Variants in ADAMTSL1 observed in about 807,000 individuals in gnomAD.
ADAMTSL1 encodes the protein ADAMTS like 1, also known as ADAMTS-like protein 1.
ADAMTSL1 carries 126 observed loss-of-function variants against 201.8 expected under a neutral mutation model. The ratio of observed to expected loss-of-function variants is 0.62; its 90% CI spans 0.54 to 0.72. The LOEUF (loss-of-function observed/expected upper bound fraction) is 0.72. Among genes scored for constraint, ADAMTSL1 ranks in the 30% least tolerant of loss-of-function variants. The probability of loss-of-function intolerance (pLI) is 0.00; values close to 1 mark genes in which losing one functional copy is unlikely to be tolerated. For missense variants in ADAMTSL1, 2,679 were observed against 2,277.8 expected (o/e 1.18, Z -3.59); for synonymous variants, 1,121 against 903.4 (o/e 1.24, Z -4.32).
intron 2 of ADAMTSL1, among the ~76,000 whole-genome samples, chr9:18,278,162 A>C (rs553196612): frequency 4.1e-4 from 62 of 152,140 alleles, no homozygotes; most frequent in Non-Finnish European, 7.1e-4. Flanking sequence ...TTATCATTAA[A>C]CTTTTATAAG....
At chr9:18,080,645 C>A (rs961150704) in intron 1 of ADAMTSL1, among the ~76,000 whole-genome samples, 4 of 152,180 alleles carry the variant, frequency 2.6e-5, no homozygotes, top group Non-Finnish European at 1.5e-5. Flanking sequence ...ATGATCAAGT[C>A]AAGCTATTAC....
At chr9:18,703,701 C>CATACATATATATATAT (rs1295764808) in intron 13 of ADAMTSL1, among the ~76,000 whole-genome samples, 4 of 78,822 alleles carry the variant, frequency 5.1e-5, no homozygotes, top group African/African-American at 1.9e-4. Flanking sequence ...TGCGCACATA[C>CATACATATATATATAT]ATATATATAT....
At chr9:18,267,793 A>AAAAC (rs1563846276) in intron 2 of ADAMTSL1, among the ~76,000 whole-genome samples, 1 of 148,166 alleles carries the variant, frequency 6.7e-6, no homozygotes, top group Non-Finnish European at 1.5e-5. Flanking sequence ...AAAACAAAAA[A>AAAAC]ACCTTAATCT....
In ADAMTSL1 at chr9:18,828,683, TATATATATATAA is replaced by T. The variant is rs1563836047; in HGVS notation, c.4115-1158_4115-1147del. 5.3e-3 allele frequency among the ~76,000 whole-genome samples: 556 copies of T among 105,784 alleles called. 30 individuals are homozygous for T. Among genetic ancestry groups the T allele is most frequent in the East Asian group, 0.027 (90 of 3,308 alleles). The allele number at this position is 105,784 out of a possible 152,430, so 69.4% of individuals were successfully genotyped here. ...ATTTATATATATATATATATATATA[TATATATATATAA>T]AATGTGTGTGTGTGTATATATATAT... is the stretch of plus-strand genomic sequence containing the variant. On this transcript the variant is annotated intron_variant, in intron 22 of 28. Coordinates refer to ENST00000380548, the MANE Select transcript of ADAMTSL1 (RefSeq NM_001040272.6).
intron 1 of ADAMTSL1, among the ~76,000 whole-genome samples, chr9:18,502,383 C>T (rs1468493304): frequency 6.6e-6 from 1 of 152,218 alleles, no homozygotes; most frequent in East Asian, 1.9e-4. Flanking sequence ...GCACCTCTCT[C>T]AGTAGTCAGC....
intron 2 of ADAMTSL1, among the ~76,000 whole-genome samples, chr9:18,280,026 T>C (rs1428825382): frequency 6.6e-6 from 1 of 152,138 alleles, no homozygotes; most frequent in Non-Finnish European, 1.5e-5. Context: ...TGGGGTCCAC[T>C]AGATAGGCCT....
At chr9:18,302,639 T>C (rs1303167601) in intron 2 of ADAMTSL1, among the ~76,000 whole-genome samples, 4 of 152,192 alleles carry the variant, frequency 2.6e-5, no homozygotes, top group Non-Finnish European at 5.9e-5. Flanking sequence ...TAAACCCTTT[T>C]TCTTGCTTAG....
intron 1 of ADAMTSL1, among the ~76,000 whole-genome samples, chr9:18,042,249 C>T (rs1333775810): frequency 6.6e-6 from 1 of 152,014 alleles, no homozygotes; most frequent in Non-Finnish European, 1.5e-5. Flanking sequence ...GTTTCCAAAG[C>T]TTGATTTAGG....
In ADAMTSL1 at chr9:17,919,081, A is replaced by G. The variant is rs1225605439; in HGVS notation, c.87+12159A>G. ...CTTTAATGTGATCTCCTGACTTACC[A>G]TATTTTATTAAATTCCCATTATAGT... On this transcript the variant is annotated intron_variant, in intron 1 of 29. Coordinates refer to the ADAMTSL1 transcript ENST00000680146. 2.0e-5 allele frequency among the ~76,000 whole-genome samples: 3 copies of G among 151,786 alleles called. No homozygotes were observed. In the East Asian group the frequency reaches 5.8e-4, roughly 29 times the overall value.
intron 4 of ADAMTSL1, among the ~76,000 whole-genome samples, chr9:18,583,075 C>T (rs923615753): frequency 5.3e-5 from 8 of 152,082 alleles, no homozygotes; most frequent in Non-Finnish European, 1.2e-4. Context: ...TGTTTATAAG[C>T]AGCGTGAAAA....
chr9:18,848,291 T>G (rs1402731886), intron 23 of ADAMTSL1, among the ~76,000 whole-genome samples: 3 of 152,220 alleles, frequency 2.0e-5, no homozygotes, highest in African/African-American at 7.2e-5. Flanking sequence ...TAAAAAATGA[T>G]TCTCAGGGAT....
In ADAMTSL1 at chr9:18,858,163, C is replaced by T. The variant is rs1826983279; in HGVS notation, c.4249+28186C>T. Among the ~76,000 whole-genome samples the T allele has an allele frequency of 2.8e-5, 4 of 143,788 alleles. No homozygotes were observed. The South Asian group carries it at 9.4e-4, about 34-fold the overall frequency. The allele number at this position is 143,788 out of a possible 152,430, so 94.3% of individuals were successfully genotyped here. A position where few individuals can be genotyped will look rare whatever the true frequency, so the allele number is the denominator to read the frequency against. On this transcript the variant is annotated intron_variant, in intron 23 of 28. Transcript: ENST00000380548. ...CATGAGTCCTCCCTTGTATGTCCAA[C>T]TCTTACCCAACACCACAGGATTTAT...
chr9:17,922,780 T>C (rs545273126), intron 1 of ADAMTSL1, among the ~76,000 whole-genome samples: 3 of 152,290 alleles, frequency 2.0e-5, no homozygotes, highest in East Asian at 1.9e-4. Flanking sequence ...AGTTACATCA[T>C]GAACTAAAGG....
intron 1 of ADAMTSL1, among the ~76,000 whole-genome samples, chr9:18,071,788 C>A (rs554277797): frequency 3.3e-5 from 5 of 152,120 alleles, no homozygotes; most frequent in South Asian, 4.1e-4. Flanking sequence ...TTATTTGATG[C>A]GTTGTGTGTT....
intron 1 of ADAMTSL1, among the ~76,000 whole-genome samples, chr9:18,085,514 A>ATATATATACTGTGTGTGCATATG (rs1823716105): frequency 4.0e-5 from 6 of 151,010 alleles, no homozygotes; most frequent in African/African-American, 1.5e-4. Context: ...GTGTGCATAT[A>ATATATATACTGTGTGTGCATATG]TATATACTGT....
chr9:18,714,938 T>C (rs1195771132), intron 14 of ADAMTSL1, among the ~76,000 whole-genome samples: 1 of 142,820 alleles, frequency 7.0e-6, no homozygotes, highest in East Asian at 2.0e-4. Flanking sequence ...GCAAGGCTGG[T>C]TCAATATATG....
At chr9:18,325,014 C>T (rs955732569) in intron 2 of ADAMTSL1, among the ~76,000 whole-genome samples, 6 of 152,018 alleles carry the variant, frequency 3.9e-5, no homozygotes, top group Non-Finnish European at 7.4e-5. Context: ...CAGCATTCAT[C>T]AGGAAAATGC....
At chr9:18,107,647 A>G (rs932536314) in intron 1 of ADAMTSL1, among the ~76,000 whole-genome samples, 7 of 152,200 alleles carry the variant, frequency 4.6e-5, no homozygotes, top group African/African-American at 1.7e-4. Flanking sequence ...AATTTAAGCA[A>G]CAAAATAAAA....
intron 9 of ADAMTSL1, among the ~76,000 whole-genome samples, chr9:18,665,976 C>G (rs1408712936): frequency 6.6e-6 from 1 of 152,100 alleles, no homozygotes; most frequent in Non-Finnish European, 1.5e-5. Flanking sequence ...CCAGTCTTGT[C>G]TATAGCTCAT....
Sources: allele counts gnomAD v4.1 joint callset (sites outside exome capture counted in the v4.1 genomes callset), GRCh38; gene constraint gnomAD v4.1.1; transcripts MANE v1.5; gene names NCBI Gene and HGNC (gene_info 2026-07-23, HGNC 2026-07-21).